ZNF462: variants seen among roughly 807,000 people sequenced by gnomAD.
ZNF462 encodes the protein zinc finger PBX1-interacting protein.
ZNF462 carries 10 observed loss-of-function variants against 201.9 expected under a neutral mutation model. That is an observed-to-expected ratio of 0.05 (90% CI 0.03 to 0.08). The LOEUF is 0.08. Ranked by LOEUF, ZNF462 falls within the 10% of genes least tolerant of loss-of-function variation. The probability of loss-of-function intolerance (pLI) is 1.00; values close to 1 mark genes in which losing one functional copy is unlikely to be tolerated. For missense variants in ZNF462, 2,523 were observed against 3,168.3 expected (o/e 0.80, Z 4.89); for synonymous variants, 1,227 against 1,193.3 (o/e 1.03, Z -0.58).
At position 106,927,671 on chromosome 9, in the gene ZNF462, T is replaced by C; in HGVS notation, c.3759T>C (p.Ser1253=). 6.2e-7 allele frequency: 1 copy of C among 1,614,004 alleles called. No individual in the cohort carries two copies. Among genetic ancestry groups the C allele is most frequent in the Non-Finnish European group, 8.5e-7 (1 of 1,180,016 alleles). The part of the protein sequence containing the change: ...KPASCVLVSP[S]NLERDKTKLR... Reference sequence around the variant, plus strand: ...CCAGCTGCGTGCTTGTCTCCCCCTCTAATCTGGAGCGGGACAAAACGAAAC... The same window carrying C: ...CCAGCTGCGTGCTTGTCTCCCCCTCCAATCTGGAGCGGGACAAAACGAAAC... Residue 1253 remains serine (S), a synonymous_variant, in exon 3 of 13, where the codon TCT becomes TCC. Transcript: ENST00000277225.
rs1245276858 is a variant in ZNF462, at chr9:106,924,808, A to G, written c.896A>G (p.Asn299Ser). Residue 299 changes from asparagine to serine, a missense_variant, in exon 3 of 13, where the codon AAC (asparagine) becomes AGC (serine). Asn to Ser is a conservative substitution (Grantham distance 46, BLOSUM62 1). This residue lies in a region of ZNF462 where 480 missense variants were observed against 544.4 expected (regional missense o/e 0.88). Transcript: ENST00000277225. This position sits in a 1 kb window ranked among gnomAD's most constrained non-coding sequence, Gnocchi z 6.2. ...PNKSAPSPTS[N>S]STYLTMNAAS... ...AAGAGTGCCCCCAGCCCCACTTCCA[A>G]CTCCACCTATCTGACCATGAATGCT... 7 of 1,613,696 alleles carry G rather than the reference A, an allele frequency of 4.3e-6. No homozygotes were observed. In the South Asian group the frequency reaches 4.4e-5, roughly 10 times the overall value.
intron 1 of ZNF462, among the ~76,000 whole-genome samples, chr9:106,873,809 G>C (rs1211081112): frequency 6.6e-6 from 1 of 152,098 alleles, no homozygotes; most frequent in Non-Finnish European, 1.5e-5. Context: ...ATATCCCTAC[G>C]GTATCCGAGA....
intron 7 of ZNF462, among the ~76,000 whole-genome samples, chr9:106,952,787 T>G (rs1450218960): frequency 6.6e-6 from 1 of 152,224 alleles, no homozygotes; most frequent in Non-Finnish European, 1.5e-5. Context: ...TTTCATTTTA[T>G]TTAAGCCATA....
chr9:106,961,312 G>C (rs551566223), intron 7 of ZNF462, among the ~76,000 whole-genome samples: 1 of 152,178 alleles, frequency 6.6e-6, no homozygotes, highest in African/African-American at 2.4e-5. Flanking sequence ...TTGGTTTCTT[G>C]AGACAGCCAT....
At position 106,886,133 on chromosome 9, in the gene ZNF462, TTAGCCTGATA is replaced by T; in HGVS notation, c.-31+22779_-31+22788del. Among the ~76,000 whole-genome samples the T allele has an allele frequency of 6.6e-6, 1 of 152,306 alleles. No homozygotes were observed. Among genetic ancestry groups the T allele is most frequent in the Non-Finnish European group, 1.5e-5 (1 of 68,024 alleles). On this transcript the variant is annotated intron_variant, in intron 1 of 12. Transcript: ENST00000277225. This position sits in a 1 kb window ranked among gnomAD's most constrained non-coding sequence, Gnocchi z 4.6. ...TACCCAAGAAGTGGGTTTGTTGGCC[TTAGCCTGATA>T]GGTGGTAGCCACATAATGACTCATT...
At chr9:106,988,923 T>C (rs1554716413) in intron 10 of ZNF462, among the ~76,000 whole-genome samples, 5 of 152,178 alleles carry the variant, frequency 3.3e-5, no homozygotes, top group Non-Finnish European at 7.4e-5. Context: ...TTATCGGTTC[T>C]AGGAGATTTC....
At chr9:106,914,827 A>G (rs1588046800) in intron 1 of ZNF462, among the ~76,000 whole-genome samples, 1 of 152,196 alleles carries the variant, frequency 6.6e-6, no homozygotes, top group East Asian at 1.9e-4. Flanking sequence ...AATTTTGTAG[A>G]TTTTGTAAGG....
chr9:106,964,140 C>A (rs1416836206), intron 7 of ZNF462, among the ~76,000 whole-genome samples: 1 of 151,728 alleles, frequency 6.6e-6, no homozygotes, highest in Non-Finnish European at 1.5e-5. Flanking sequence ...CATGGGAGTA[C>A]ATATCTCTTC....
chr9:106,898,033 T>C (rs1828885705), intron 1 of ZNF462, among the ~76,000 whole-genome samples: 1 of 152,254 alleles, frequency 6.6e-6, no homozygotes, highest in Non-Finnish European at 1.5e-5. Flanking sequence ...AGTTGCACTT[T>C]TCCCCACATT....
chr9:106,957,817 G>A (rs554192115), intron 7 of ZNF462, among the ~76,000 whole-genome samples: 19 of 152,158 alleles, frequency 1.2e-4, no homozygotes, highest in Middle Eastern at 6.8e-3. Flanking sequence ...TAGAGCAAAG[G>A]GTGGCTGATG....
intron 10 of ZNF462, among the ~76,000 whole-genome samples, chr9:106,995,212 C>T (rs1184876410): frequency 6.6e-6 from 1 of 151,998 alleles, no homozygotes; most frequent in Non-Finnish European, 1.5e-5. Context: ...GTGATTTTGT[C>T]TGGACTTTTG....
chr9:106,890,431 T>C lies in ZNF462; in HGVS notation c.-31+27076T>C, dbSNP rs919841564. 1.3e-5 allele frequency among the ~76,000 whole-genome samples: 2 copies of C among 152,220 alleles called. No homozygotes were observed. Among genetic ancestry groups the C allele is most frequent in the Non-Finnish European group, 2.9e-5 (2 of 68,038 alleles). ...TTCCTTCTGGAGTCCTTTTTGGGCA[T>C]ACAAAAATCTAGCACTTGAAGCCAC... On this transcript the variant is annotated intron_variant, in intron 1 of 12. Coordinates refer to ENST00000277225, the MANE Select transcript of ZNF462 (RefSeq NM_021224.6). This position sits in a 1 kb window ranked among gnomAD's most constrained non-coding sequence, Gnocchi z 4.2.
Position 107,003,244 on chromosome 9 carries a change from C to A in ZNF462, c.7057-50C>A, listed in dbSNP as rs764291299. 3.2e-5 allele frequency: 51 copies of A among 1,605,196 alleles called. No homozygotes were observed. Among genetic ancestry groups the A allele is most frequent in the Non-Finnish European group, 2.6e-5 (31 of 1,175,662 alleles). ...AAAGATCTCTCCATCAGGGAGAACC[C>A]CATTTGGTCTGCGGTTTATTATTCC... On this transcript the variant is annotated intron_variant, in intron 10 of 12. Coordinates refer to ENST00000277225, the MANE Select transcript of ZNF462 (RefSeq NM_021224.6). The surrounding 1 kb of genome is among the most constrained non-coding windows in gnomAD (Gnocchi z 4.4).
In ZNF462 at chr9:107,006,372, C is replaced by A. The variant is rs58637674; in HGVS notation, c.7189+2946C>A. Among the ~76,000 whole-genome samples the A allele has an allele frequency of 0.082, 12,408 of 152,072 alleles. 1,224 individuals carry two copies. Among genetic ancestry groups the A allele is most frequent in the African/African-American group, 0.23 (9,636 of 41,458 alleles). On this transcript the variant is annotated intron_variant, in intron 11 of 12. Coordinates refer to ENST00000277225, the MANE Select transcript of ZNF462 (RefSeq NM_021224.6). The surrounding 1 kb of genome is among the most constrained non-coding windows in gnomAD (Gnocchi z 4.3). ...AACAAAACAAACAAACAAACAACAA[C>A]AAAAAATATAAACCCTGGAGACCAA...
In ZNF462 at chr9:106,974,196, A is replaced by G. The variant is rs765822515; in HGVS notation, c.6755A>G (p.Lys2252Arg). The G allele has an allele frequency of 4.3e-6, 7 of 1,614,160 alleles. No individual in the cohort carries two copies. The South Asian group carries it at 6.6e-5, about 15-fold the overall frequency. ...TCAGCAGTTCCCGAGGAGGGCCCCA[A>G]AGATCTTCGCTGTCCTCTCTGCCTC... ...GHSAVPEEGP[K>R]DLRCPLCLYH... The change falls in exon 9 of 13, where the codon AAA becomes AGA. Residue 2252 changes from lysine (K) to arginine (R), a missense_variant. Physicochemically the swap from Lys to Arg is conservative, Grantham distance 26. Transcript: ENST00000277225. This position sits in a 1 kb window ranked among gnomAD's most constrained non-coding sequence, Gnocchi z 4.0.
chr9:106,898,260 G>T (rs777827293), intron 1 of ZNF462, among the ~76,000 whole-genome samples: 10 of 152,170 alleles, frequency 6.6e-5, no homozygotes, highest in Non-Finnish European at 2.9e-5. Context: ...CTCACAATGC[G>T]CTGTGGGGAA....
rs771327937 is a variant in ZNF462 at position 106,974,143 on chromosome 9, T to C, written c.6702T>C (p.Ala2234=). The C allele has an allele frequency of 1.9e-6, 3 of 1,614,008 alleles. No individual in the cohort carries two copies. The Admixed American group carries it at 5.0e-5, about 27-fold the overall frequency. ...CTCCCAAACTCTCTCCTAGATCTGC[T>C]TTTACTATGCACGTGGAAGCTGGGC... ...DCSFYTGFKS[A]FTMHVEAGHS... is the part of the protein sequence containing the mutation. Residue 2234 remains alanine, a synonymous_variant, in exon 9 of 13, where the codon GCT becomes GCC. Coordinates refer to ENST00000277225, the MANE Select transcript of ZNF462 (RefSeq NM_021224.6). The surrounding 1 kb of genome is among the most constrained non-coding windows in gnomAD (Gnocchi z 4.0).
At chr9:106,943,281 AT>A (rs771270474) in intron 7 of ZNF462, among the ~76,000 whole-genome samples, 1 of 152,180 alleles carries the variant, frequency 6.6e-6, no homozygotes, top group Non-Finnish European at 1.5e-5. Context: ...ATAAATTTCA[AT>A]TGGTTTTTCT....
rs1284396099 is a variant in ZNF462 at position 106,895,752 on chromosome 9, T to G, written c.-30-27602T>G. On this transcript the variant is annotated intron_variant, in intron 1 of 12. Coordinates refer to ENST00000277225, the MANE Select transcript of ZNF462 (RefSeq NM_021224.6). The surrounding 1 kb of genome is among the most constrained non-coding windows in gnomAD (Gnocchi z 4.4). ...AGTTCTAGTGACCTGTGCTGATTGC[T>G]AGCTTTCAAGAACATTCATGGAAAC... Among the ~76,000 whole-genome samples the G allele has an allele frequency of 6.6e-6, 1 of 152,220 alleles. No individual in the cohort carries two copies. Among genetic ancestry groups the G allele is most frequent in the Non-Finnish European group, 1.5e-5 (1 of 68,042 alleles).
Sources: gnomAD v4.1 joint callset for allele counts (sites outside exome capture counted in the v4.1 genomes callset) on GRCh38, gnomAD v4.1.1 for gene constraint, gnomAD v4.1.1 regional missense constraint, Gnocchi (gnomAD v3.1) non-coding constraint, MANE v1.5 for transcripts, NCBI Gene and HGNC (gene_info 2026-07-23, HGNC 2026-07-21) for gene names.